The following SLC30A8 variants were observed in gnomAD, a reference collection of about 807,000 sequenced individuals.
SLC30A8 encodes the protein proton-coupled zinc antiporter SLC30A8.
In SLC30A8, 27 loss-of-function variants were observed where a neutral mutation model predicts 36.9. That is an observed-to-expected ratio of 0.73 (90% CI 0.54 to 1.01). SLC30A8 has a LOEUF of 1.01. Among genes scored for constraint, SLC30A8 ranks in the 50% least tolerant of loss-of-function variants. SLC30A8 has a pLI of 0.00. For missense variants in SLC30A8, 439 were observed against 452.0 expected (o/e 0.97, Z 0.26); for synonymous variants, 164 against 172.4 (o/e 0.95, Z 0.38).
At chr8:117,119,300 C>G (rs1174177831) in intron 2 of SLC30A8, among the ~76,000 whole-genome samples, 1 of 151,868 alleles carries the variant, frequency 6.6e-6, no homozygotes, top group Non-Finnish European at 1.5e-5. Context: ...TAGGGAATTA[C>G]TGGAGATCCA....
At chr8:117,018,205 G>C (rs1816583065) in intron 1 of SLC30A8, 1 of 152,134 alleles carries the variant, frequency 6.6e-6, no homozygotes, top group African/African-American at 2.4e-5. Flanking sequence ...CCTGTGTATA[G>C]CCACTGCATT....
At chr8:117,163,312 TA>T in intron 5 of SLC30A8, 112 bp from the exon 6 acceptor site, 1 of 777,240 alleles carries the variant, frequency 1.3e-6, no homozygotes, top group Non-Finnish European at 2.1e-6. Flanking sequence ...GTCAAAAGGG[TA>T]AATGAGTGAC....
chr8:117,176,333 G>A lies in SLC30A8; in HGVS notation c.*3652G>A, dbSNP rs1586630811. 1 of 152,612 alleles carries A rather than the reference G, an allele frequency of 6.6e-6. No individual in the cohort carries two copies. The highest frequency in any genetic ancestry group is 1.9e-4 in the East Asian group (1 of 5,158). 9.5% of individuals were successfully genotyped at this position (152,612 alleles called of 1,614,324 possible). ...TCCAGAGAGTCTTGCAAAGAGACAA[G>A]CCTCATTTTCCACAATTAGCTCTAA... On this transcript the variant is annotated 3_prime_UTR_variant, in exon 8 of 8. Coordinates refer to ENST00000456015, the MANE Select transcript of SLC30A8 (RefSeq NM_173851.3).
intron 2 of SLC30A8, among the ~76,000 whole-genome samples, chr8:117,088,818 T>G (rs939239823): frequency 2.0e-5 from 3 of 152,228 alleles, no homozygotes; most frequent in African/African-American, 7.2e-5. Context: ...GAGCTTGTAT[T>G]TGGCTGACTG....
chr8:117,122,075 C>T (rs538111309), intron 2 of SLC30A8, among the ~76,000 whole-genome samples: 109 of 151,714 alleles, frequency 7.2e-4, no homozygotes, highest in Non-Finnish European at 1.1e-3. Flanking sequence ...TTAGAGTGGC[C>T]CTTTTTATGT....
At chr8:117,101,622 A>T (rs1255522570) in intron 2 of SLC30A8, among the ~76,000 whole-genome samples, 1 of 152,128 alleles carries the variant, frequency 6.6e-6, no homozygotes, top group Non-Finnish European at 1.5e-5. Flanking sequence ...TGTGTTGCCA[A>T]AGGAGATTAA....
At chr8:117,076,160 T>G (rs567682679) in intron 2 of SLC30A8, among the ~76,000 whole-genome samples, 1 of 152,368 alleles carries the variant, frequency 6.6e-6, no homozygotes, top group East Asian at 1.9e-4. Flanking sequence ...CTAGAGTTCC[T>G]TAGCTTTCTA....
intron 2 of SLC30A8, among the ~76,000 whole-genome samples, chr8:117,116,677 T>C (rs1206680322): frequency 3.3e-5 from 5 of 152,070 alleles, no homozygotes; most frequent in African/African-American, 1.2e-4. Context: ...AGGTAACCTG[T>C]CTGTCCTTGA....
chr8:117,168,572 C>A (rs117293925), intron 6 of SLC30A8, among the ~76,000 whole-genome samples: 1 of 152,150 alleles, frequency 6.6e-6, no homozygotes, highest in Non-Finnish European at 1.5e-5. Flanking sequence ...TCTTGCCTGG[C>A]AACACTATTT....
intron 2 of SLC30A8, among the ~76,000 whole-genome samples, chr8:117,087,950 G>A (rs1818946707): frequency 6.6e-6 from 1 of 152,028 alleles, no homozygotes. Flanking sequence ...AAGAAAGTAG[G>A]CGGTGGGGGA....
chr8:116,951,528 A>G (rs1342566034), intron 1 of SLC30A8, among the ~76,000 whole-genome samples: 1 of 151,836 alleles, frequency 6.6e-6, no homozygotes, highest in Admixed American at 6.6e-5. Context: ...CTCCCTTAGC[A>G]CTCAAGTTTC....
In SLC30A8 at chr8:117,082,101, T is replaced by A. The variant is rs894481834; in HGVS notation, c.-226+42843T>A. On this transcript the variant is annotated intron_variant, in intron 2 of 10. Transcript: ENST00000427715. The stretch of plus-strand genomic sequence containing the variant: ...TATTCTTCAATAGACTTATTAACTG[T>A]AATTGGTTCCACTAAGATAGAAACA... 3.2e-4 allele frequency among the ~76,000 whole-genome samples: 49 copies of A among 152,224 alleles called. 1 individual carries two copies. The highest frequency in any genetic ancestry group is 1.0e-4 in the Non-Finnish European group (7 of 68,026).
intron 1 of SLC30A8, among the ~76,000 whole-genome samples, chr8:117,030,420 C>T (rs988246351): frequency 2.0e-5 from 3 of 152,144 alleles, no homozygotes; most frequent in African/African-American, 7.2e-5. Flanking sequence ...TTAACGTTGC[C>T]TCCCATCTTT....
At chr8:117,167,984 T>C (rs1823149064) in intron 6 of SLC30A8, among the ~76,000 whole-genome samples, 2 of 152,098 alleles carry the variant, frequency 1.3e-5, no homozygotes, top group Non-Finnish European at 2.9e-5. Flanking sequence ...ACTCCTTACA[T>C]AGCAGCAGGC....
At chr8:117,103,631 T>A (rs1819831770) in intron 2 of SLC30A8, among the ~76,000 whole-genome samples, 2 of 152,180 alleles carry the variant, frequency 1.3e-5, no homozygotes, top group Admixed American at 6.5e-5. Flanking sequence ...TGAACCACCA[T>A]GCCTGGCTAA....
At chr8:116,998,230 A>C (rs1815887414) in intron 1 of SLC30A8, among the ~76,000 whole-genome samples, 2 of 152,236 alleles carry the variant, frequency 1.3e-5, no homozygotes, top group African/African-American at 4.8e-5. Context: ...AAACATCTTC[A>C]AAAACTGGAA....
At chr8:117,016,370 T>C (rs76867572) in intron 1 of SLC30A8, among the ~76,000 whole-genome samples, 1,550 of 152,308 alleles carry the variant, frequency 0.01, 23 homozygotes, top group African/African-American at 0.034. Flanking sequence ...TCAGATATAA[T>C]GTCAGACTAT....
At chr8:117,160,996 T>A (rs962851323) in intron 4 of SLC30A8, among the ~76,000 whole-genome samples, 1 of 152,254 alleles carries the variant, frequency 6.6e-6, no homozygotes, top group African/African-American at 2.4e-5. Flanking sequence ...TTTAGTCTAA[T>A]ACCTCTTAAA....
chr8:117,069,666 C>T (rs1402096098), intron 2 of SLC30A8, among the ~76,000 whole-genome samples: 2 of 152,148 alleles, frequency 1.3e-5, no homozygotes, highest in African/African-American at 4.8e-5. Context: ...GCAAATCTAC[C>T]TCTATCATGA....
Sources: allele counts gnomAD v4.1 joint callset (sites outside exome capture counted in the v4.1 genomes callset), GRCh38; gene constraint gnomAD v4.1.1; transcripts MANE v1.5; gene names NCBI Gene and HGNC (gene_info 2026-07-23, HGNC 2026-07-21).